CHMP1B: variants seen among roughly 807,000 people sequenced by gnomAD.
The protein encoded by CHMP1B is charged multivesicular body protein 1B, also known as VPS46 homolog B.
In CHMP1B, 5 loss-of-function variants were observed where a neutral mutation model predicts 11.5. The ratio of observed to expected loss-of-function variants is 0.43; its 90% confidence interval spans 0.23 to 0.91. The LOEUF (loss-of-function observed/expected upper bound fraction) is 0.91. Among genes scored for constraint, CHMP1B ranks in the 40% least tolerant of loss-of-function variants. The probability of loss-of-function intolerance (pLI) is 0.25; values close to 1 mark genes in which losing one functional copy is unlikely to be tolerated. For synonymous variants in CHMP1B, 105 were observed against 105.7 expected (o/e 0.99, Z 0.04); for missense variants, 246 against 261.2 (o/e 0.94, Z 0.40).
Position 11,851,413 on chromosome 18 carries a change from C to G in CHMP1B, c.-99C>G. On this transcript the variant is annotated 5_prime_UTR_variant, in exon 1 of 1. Coordinates refer to ENST00000526991, the MANE Select transcript of CHMP1B (RefSeq NM_020412.5). ...TCACAGTAGAAACAGGAAGTGGGAC[C>G]AAAACAAAGGAGCGGCGGCCGGGAG... 1.4e-6 allele frequency: 2 copies of G among 1,388,750 alleles called. No homozygotes were observed. Among genetic ancestry groups the G allele is most frequent in the Non-Finnish European group, 1.9e-6 (2 of 1,056,896 alleles). 86.0% of individuals were successfully genotyped at this position (1,388,750 alleles called of 1,614,324 possible).
In CHMP1B at chr18:11,851,476, T is replaced by G. The variant is rs1198095000; in HGVS notation, c.-36T>G. 4 of 1,499,984 alleles carry G rather than the reference T, an allele frequency of 2.7e-6. No homozygotes were observed. Among genetic ancestry groups the G allele is most frequent in the Non-Finnish European group, 2.7e-6 (3 of 1,129,984 alleles). The allele number at this position is 1,499,984 out of a possible 1,614,324, so 92.9% of individuals were successfully genotyped here. ...ACCTTCTCTGCCTTCGGCGCGCTTC[T>G]CAGCCGGGCCGCCGACCCAAAGGAG... On this transcript the variant is annotated 5_prime_UTR_variant, in exon 1 of 1. Coordinates refer to ENST00000526991, the MANE Select transcript of CHMP1B (RefSeq NM_020412.5).
Position 11,851,781 on chromosome 18 carries a change from G to A in CHMP1B, c.270G>A (p.Lys90=), listed in dbSNP as rs1390403345. The change falls in exon 1 of 1, where the codon AAG becomes AAA. Residue 90 remains lysine (K), a synonymous_variant. Coordinates refer to ENST00000526991, the MANE Select transcript of CHMP1B (RefSeq NM_020412.5). ...CGGTGACGATGGGCAAGGTGACCAA[G>A]TCGATGGCTGGTGTGGTTAAGTCGA... ...QTAVTMGKVT[K]SMAGVVKSMD... 1.9e-6 allele frequency: 3 copies of A among 1,613,916 alleles called. No homozygotes were observed. Among genetic ancestry groups the A allele is most frequent in the Non-Finnish European group, 2.5e-6 (3 of 1,179,914 alleles).
In CHMP1B at chr18:11,851,634, G is replaced by A; in HGVS notation, c.123G>A (p.Gln41=). ...AGGCCAAAATTAAAAAGGCCATTCA[G>A]AAGGGCAACATGGAAGTTGCGAGGA... is the stretch of plus-strand genomic sequence containing the variant. The part of the protein sequence containing the change: ...AEKAKIKKAI[Q]KGNMEVARIH... The change falls in exon 1 of 1, where the codon CAG becomes CAA. Residue 41 remains glutamine, a synonymous_variant. Transcript: ENST00000526991. The A allele has an allele frequency of 6.2e-7, 1 of 1,614,018 alleles. No homozygotes were observed. Among genetic ancestry groups the A allele is most frequent in the Non-Finnish European group, 8.5e-7 (1 of 1,179,882 alleles).
In CHMP1B at chr18:11,852,032, G is replaced by C. The variant is rs1262011494; in HGVS notation, c.521G>C (p.Gly174Ala). 1 of 1,613,690 alleles carries C rather than the reference G, an allele frequency of 6.2e-7. No homozygotes were observed. Among genetic ancestry groups the C allele is most frequent in the Non-Finnish European group, 8.5e-7 (1 of 1,179,856 alleles). Residue 174 changes from glycine (G) to alanine (A), a missense_variant, in exon 1 of 1, where the codon GGC becomes GCC. Gly to Ala is a moderately conservative substitution (Grantham distance 60). Coordinates refer to ENST00000526991, the MANE Select transcript of CHMP1B (RefSeq NM_020412.5). ...ATGGAGCTGCCGCAGGGCCAGACCG[G>C]CTCCGTGGGCACGAGCGTGGCTTCG... Reference protein sequence around the residue: ...LNMELPQGQTGSVGTSVASAE... With the variant: ...LNMELPQGQTASVGTSVASAE...
chr18:11,852,907 T>C lies in CHMP1B; in HGVS notation c.*796T>C, dbSNP rs2035914611. On this transcript the variant is annotated 3_prime_UTR_variant, in exon 1 of 1. Transcript: ENST00000526991. The stretch of plus-strand genomic sequence containing the variant: ...CTTAGTGTGACATTTGACAGTGTCT[T>C]TCAAACGAACTTCTCTAACAAGTTT... 2 of 167,186 alleles carry C rather than the reference T, an allele frequency of 1.2e-5. No homozygotes were observed. The highest frequency in any genetic ancestry group is 4.1e-4 in the South Asian group (2 of 4,830). The allele number at this position is 167,186 out of a possible 1,614,324, so 10.4% of individuals were successfully genotyped here.
rs773506850 is a variant in CHMP1B, at chr18:11,854,025, A to G, written c.*1914A>G. 2 of 166,500 alleles carry G rather than the reference A, an allele frequency of 1.2e-5. No homozygotes were observed. The highest frequency in any genetic ancestry group is 2.1e-4 in the South Asian group (1 of 4,814). 10.3% of individuals were successfully genotyped at this position (166,500 alleles called of 1,614,324 possible). A position where few individuals can be genotyped will look rare whatever the true frequency, so the allele number is the denominator to read the frequency against. ...TTTTTAGTAGAGACAGGGTTTCACT[A>G]TGTTGGCCAGGCTGGTCTTGAACTC... On this transcript the variant is annotated 3_prime_UTR_variant, in exon 1 of 1. Transcript: ENST00000526991.
rs1158139986 is a variant in CHMP1B at position 11,851,815 on chromosome 18, A to T, written c.304A>T (p.Thr102Ser). 1 of 1,614,002 alleles carries T rather than the reference A, an allele frequency of 6.2e-7. No individual in the cohort carries two copies. The part of the protein sequence containing the change: ...MAGVVKSMDA[T>S]LKTMNLEKIS... ...TGGTGTGGTTAAGTCGATGGATGCGACATTGAAGACCATGAATCTGGAGAA... is the reference window on the plus strand; with the variant it reads ...TGGTGTGGTTAAGTCGATGGATGCGTCATTGAAGACCATGAATCTGGAGAA... Residue 102 changes from threonine (T) to serine (S), a missense_variant, in exon 1 of 1, where the codon ACA (threonine) becomes TCA (serine). Thr to Ser is a moderately conservative substitution (Grantham distance 58). Coordinates refer to ENST00000526991, the MANE Select transcript of CHMP1B (RefSeq NM_020412.5).
In CHMP1B at chr18:11,851,946, C is replaced by G. The variant is rs2035880575; in HGVS notation, c.435C>G (p.Pro145=). ...TMSSTTTLTT[P]QNQVDMLLQE... ...GCAGCACGACGACGCTCACCACTCC[C>G]CAGAACCAAGTGGATATGCTGCTCC... The change falls in exon 1 of 1, where the codon CCC becomes CCG. Residue 145 remains proline (P), a synonymous_variant. Coordinates refer to ENST00000526991, the MANE Select transcript of CHMP1B (RefSeq NM_020412.5). 6 of 1,613,830 alleles carry G rather than the reference C, an allele frequency of 3.7e-6. No homozygotes were observed. Among genetic ancestry groups the G allele is most frequent in the African/African-American group, 1.3e-5 (1 of 74,928 alleles).
chr18:11,853,111 T>A lies in CHMP1B; in HGVS notation c.*1000T>A, dbSNP rs1407093359. 6.0e-6 allele frequency: 1 copy of A among 167,120 alleles called. No individual in the cohort carries two copies. Among genetic ancestry groups the A allele is most frequent in the African/African-American group, 2.4e-5 (1 of 41,476 alleles). 10.4% of individuals were successfully genotyped at this position (167,120 alleles called of 1,614,324 possible). A position where few individuals can be genotyped will look rare whatever the true frequency, so the allele number is the denominator to read the frequency against. On this transcript the variant is annotated 3_prime_UTR_variant, in exon 1 of 1. Coordinates refer to ENST00000526991, the MANE Select transcript of CHMP1B (RefSeq NM_020412.5). ...TTAACAACCAAAAATAGAAATAAAATTAGAACTGCGTTTTAAGTTCTAATT... is the reference window on the plus strand; with the variant it reads ...TTAACAACCAAAAATAGAAATAAAAATAGAACTGCGTTTTAAGTTCTAATT...
In CHMP1B at chr18:11,852,261, A is replaced by C; in HGVS notation, c.*150A>C. On this transcript the variant is annotated 3_prime_UTR_variant, in exon 1 of 1. Coordinates refer to ENST00000526991, the MANE Select transcript of CHMP1B (RefSeq NM_020412.5). ...TGGGTTTACAGCCCCCTCCACATAA[A>C]TTAAGAAATTCAGTATTTCTGCACT... The C allele has an allele frequency of 2.2e-6, 2 of 909,078 alleles. No homozygotes were observed. The highest frequency in any genetic ancestry group is 3.3e-6 in the Non-Finnish European group (2 of 610,624). The allele number at this position is 909,078 out of a possible 1,614,324, so 56.3% of individuals were successfully genotyped here. A position where few individuals can be genotyped will look rare whatever the true frequency, so the allele number is the denominator to read the frequency against.
At position 11,851,456 on chromosome 18, in the gene CHMP1B, C is replaced by G. The variant is rs183479342; in HGVS notation, c.-56C>G. On this transcript the variant is annotated 5_prime_UTR_variant, in exon 1 of 1. Transcript: ENST00000526991. ...GCCGGGAGCGGACTTACCTTACCTT[C>G]TCTGCCTTCGGCGCGCTTCTCAGCC... is the stretch of plus-strand genomic sequence containing the variant. 8 of 1,474,650 alleles carry G rather than the reference C, an allele frequency of 5.4e-6. No individual in the cohort carries two copies. The Admixed American group carries it at 8.1e-5, about 15-fold the overall frequency. The allele number at this position is 1,474,650 out of a possible 1,614,324, so 91.3% of individuals were successfully genotyped here.
chr18:11,853,637 A>C lies in CHMP1B; in HGVS notation c.*1526A>C, dbSNP rs1049679400. On this transcript the variant is annotated 3_prime_UTR_variant, in exon 1 of 1. Coordinates refer to ENST00000526991, the MANE Select transcript of CHMP1B (RefSeq NM_020412.5). ...AAATGAGTAAGGAAAAAAAAAGTGT[A>C]ACAGGTGCGTGCAGATGAGGAGTGA... The C allele has an allele frequency of 3.0e-5, 5 of 167,196 alleles. No homozygotes were observed. In the East Asian group the frequency reaches 9.6e-4, roughly 32 times the overall value. 10.4% of individuals were successfully genotyped at this position (167,196 alleles called of 1,614,324 possible).
Position 11,851,417 on chromosome 18 carries a change from A to T in CHMP1B, c.-95A>T. 7.1e-7 allele frequency: 1 copy of T among 1,404,748 alleles called. No individual in the cohort carries two copies. Among genetic ancestry groups the T allele is most frequent in the Non-Finnish European group, 9.3e-7 (1 of 1,070,226 alleles). The allele number at this position is 1,404,748 out of a possible 1,614,324, so 87.0% of individuals were successfully genotyped here. ...AGTAGAAACAGGAAGTGGGACCAAA[A>T]CAAAGGAGCGGCGGCCGGGAGCGGA... On this transcript the variant is annotated 5_prime_UTR_variant, in exon 1 of 1. Coordinates refer to ENST00000526991, the MANE Select transcript of CHMP1B (RefSeq NM_020412.5).
Position 11,854,083 on chromosome 18 carries a change from C to T in CHMP1B, c.*1972C>T, listed in dbSNP as rs1011734866. On this transcript the variant is annotated 3_prime_UTR_variant, in exon 1 of 1. Transcript: ENST00000526991. ...CAGGTGATCCGCCCACCTCAGCCTC[C>T]CAAAGTGCTGGGATTACAGGCATGA... 8 of 167,024 alleles carry T rather than the reference C, an allele frequency of 4.8e-5. No homozygotes were observed. 10.3% of individuals were successfully genotyped at this position (167,024 alleles called of 1,614,324 possible). A position where few individuals can be genotyped will look rare whatever the true frequency, so the allele number is the denominator to read the frequency against.
In CHMP1B at chr18:11,852,491, G is replaced by A. The variant is rs1388884753; in HGVS notation, c.*380G>A. 4.9e-6 allele frequency: 1 copy of A among 205,286 alleles called. No individual in the cohort carries two copies. Among genetic ancestry groups the A allele is most frequent in the Admixed American group, 5.3e-5 (1 of 18,950 alleles). The allele number at this position is 205,286 out of a possible 1,614,324, so 12.7% of individuals were successfully genotyped here. ...GTGATTGATAGTATCTAGAATGGCA[G>A]GTGGTGCATAAAAGTTAAAGAGAGG... On this transcript the variant is annotated 3_prime_UTR_variant, in exon 1 of 1. Coordinates refer to ENST00000526991, the MANE Select transcript of CHMP1B (RefSeq NM_020412.5).
chr18:11,853,010 C>T lies in CHMP1B; in HGVS notation c.*899C>T, dbSNP rs1344306336. The T allele has an allele frequency of 1.2e-5, 2 of 167,080 alleles. No homozygotes were observed. The highest frequency in any genetic ancestry group is 2.9e-5 in the Non-Finnish European group (2 of 68,124). The allele number at this position is 167,080 out of a possible 1,614,324, so 10.3% of individuals were successfully genotyped here. Reference sequence around the variant, plus strand: ...TAGCATGGCAGTCATGTTACACACTCTTAACATTGCCAAAGAACTGTTGAT... The same window carrying T: ...TAGCATGGCAGTCATGTTACACACTTTTAACATTGCCAAAGAACTGTTGAT... On this transcript the variant is annotated 3_prime_UTR_variant, in exon 1 of 1. Transcript: ENST00000526991.
rs1192440058 is a variant in CHMP1B at position 11,852,257 on chromosome 18, A to G, written c.*146A>G. On this transcript the variant is annotated 3_prime_UTR_variant, in exon 1 of 1. Coordinates refer to ENST00000526991, the MANE Select transcript of CHMP1B (RefSeq NM_020412.5). Reference sequence around the variant, plus strand: ...CCTTTGGGTTTACAGCCCCCTCCACATAAATTAAGAAATTCAGTATTTCTG... The same window carrying G: ...CCTTTGGGTTTACAGCCCCCTCCACGTAAATTAAGAAATTCAGTATTTCTG... 4.3e-6 allele frequency: 4 copies of G among 933,558 alleles called. No individual in the cohort carries two copies. Among genetic ancestry groups the G allele is most frequent in the East Asian group, 2.7e-5 (1 of 37,412 alleles). 57.8% of individuals were successfully genotyped at this position (933,558 alleles called of 1,614,324 possible). A position where few individuals can be genotyped will look rare whatever the true frequency, so the allele number is the denominator to read the frequency against.
Position 11,851,440 on chromosome 18 carries a change from G to A in CHMP1B, c.-72G>A, listed in dbSNP as rs2035862215. 1.2e-5 allele frequency: 18 copies of A among 1,450,870 alleles called. No homozygotes were observed. Among genetic ancestry groups the A allele is most frequent in the Admixed American group, 2.8e-5 (1 of 35,314 alleles). 89.9% of individuals were successfully genotyped at this position (1,450,870 alleles called of 1,614,324 possible). A position where few individuals can be genotyped will look rare whatever the true frequency, so the allele number is the denominator to read the frequency against. ...AAACAAAGGAGCGGCGGCCGGGAGCGGACTTACCTTACCTTCTCTGCCTTC... is the reference window on the plus strand; with the variant it reads ...AAACAAAGGAGCGGCGGCCGGGAGCAGACTTACCTTACCTTCTCTGCCTTC... On this transcript the variant is annotated 5_prime_UTR_variant, in exon 1 of 1. Coordinates refer to ENST00000526991, the MANE Select transcript of CHMP1B (RefSeq NM_020412.5).
At position 11,851,591 on chromosome 18, in the gene CHMP1B, A is replaced by C. The variant is rs1257524312; in HGVS notation, c.80A>C (p.Lys27Thr). The C allele has an allele frequency of 6.2e-7, 1 of 1,613,370 alleles. No individual in the cohort carries two copies. Among genetic ancestry groups the C allele is most frequent in the Non-Finnish European group, 8.5e-7 (1 of 1,179,582 alleles). The change falls in exon 1 of 1, where the codon AAG becomes ACG. Residue 27 changes from lysine (K) to threonine (T), a missense_variant. Transcript: ENST00000526991. The part of the protein sequence containing the change: ...ELSRSAKKCD[K>T]EEKAEKAKIK... Reference sequence around the variant, plus strand: ...AGTAGGAGTGCCAAAAAATGCGATAAGGAGGAAAAGGCCGAAAAGGCCAAA... The same window carrying C: ...AGTAGGAGTGCCAAAAAATGCGATACGGAGGAAAAGGCCGAAAAGGCCAAA...
Sources: allele counts gnomAD v4.1 joint callset, GRCh38; gene constraint gnomAD v4.1.1; transcripts MANE v1.5; gene names NCBI Gene and HGNC (gene_info 2026-07-23, HGNC 2026-07-21).